Variants in PREP observed in about 807,000 individuals in gnomAD.
PREP encodes the protein prolyl endopeptidase, also known as dJ355L5.1 (prolyl endopeptidase).
Under a neutral mutation model 87.6 loss-of-function variants are expected in PREP, and 29 were observed. The observed-to-expected ratio is 0.33, with a 90% CI of 0.25 to 0.45. The LOEUF (loss-of-function observed/expected upper bound fraction) is 0.45. Ranked by LOEUF, PREP falls within the 20% of genes least tolerant of loss-of-function variation. The pLI is 1.00. For synonymous variants in PREP, 337 were observed against 328.6 expected, an observed-to-expected ratio of 1.03 and a Z score of -0.28; for missense variants, 695 against 886.5, an observed-to-expected ratio of 0.78 and a Z score of 2.74.
chr6:105,376,152 A>C lies in PREP; in HGVS notation c.358T>G (p.Ser120Ala). 6.2e-7 allele frequency: 1 copy of C among 1,613,840 alleles called. No individual in the cohort carries two copies. Among genetic ancestry groups the C allele is most frequent in the South Asian group, 1.1e-5 (1 of 91,040 alleles). ...ARVFLDPNILSDDGTVALRGY... is the reference protein window; with the variant it reads ...ARVFLDPNILADDGTVALRGY... ...CGGAGTGCCACTGTGCCATCGTCAG[A>C]CAGTATGTTGGGGTCCAGGAACACT... is the stretch of plus-strand genomic sequence containing the variant. The change falls in exon 4 of 15, where the codon TCT becomes GCT. Residue 120 changes from serine (S) to alanine (A), a missense_variant. Physicochemically the swap from Ser to Ala is moderately conservative, Grantham distance 99. Around this residue, in one of 5 missense-constraint regions of PREP, gnomAD observed 517 missense variants for 620.3 expected, o/e 0.83. Coordinates refer to ENST00000652536, the MANE Select transcript of PREP (RefSeq NM_002726.5).
At chr6:105,402,175 C>T (rs1773448648) in intron 1 of PREP, among the ~76,000 whole-genome samples, 2 of 152,134 alleles carry the variant, frequency 1.3e-5, no homozygotes, top group South Asian at 2.1e-4. Context: ...CCTCCTCTCA[C>T]CCTCTCTCAA....
intron 6 of PREP, among the ~76,000 whole-genome samples, chr6:105,358,147 ATGACT>A (rs1772151480): frequency 6.6e-6 from 1 of 152,140 alleles, no homozygotes; most frequent in African/African-American, 2.4e-5. Flanking sequence ...TTAAGTAAAA[ATGACT>A]TAACTTCATA....
intron 2 of PREP, among the ~76,000 whole-genome samples, chr6:105,381,823 T>C (rs1326282004): frequency 6.6e-6 from 1 of 151,210 alleles, no homozygotes; most frequent in African/African-American, 2.5e-5. Flanking sequence ...TACCTATAGT[T>C]AGCAATACTA....
intron 2 of PREP, among the ~76,000 whole-genome samples, chr6:105,381,351 A>T (rs1386441095): frequency 6.6e-6 from 1 of 152,254 alleles, no homozygotes; most frequent in Non-Finnish European, 1.5e-5. Flanking sequence ...CTGATATTTT[A>T]ACCAGGGAAA....
chr6:105,329,765 G>C (rs994804458), intron 8 of PREP, among the ~76,000 whole-genome samples: 1 of 152,226 alleles, frequency 6.6e-6, no homozygotes, highest in African/African-American at 2.4e-5. Flanking sequence ...AGATGAGGTC[G>C]ATTCTGCTCG....
intron 7 of PREP, among the ~76,000 whole-genome samples, chr6:105,341,565 CA>C (rs1337733372): frequency 1.3e-5 from 2 of 151,942 alleles, no homozygotes; most frequent in African/African-American, 4.8e-5. Flanking sequence ...GATAGAGACA[CA>C]AAAAACCCTT....
chr6:105,400,723 A>G (rs1583112929), intron 1 of PREP, among the ~76,000 whole-genome samples: 1 of 152,308 alleles, frequency 6.6e-6, no homozygotes, highest in East Asian at 1.9e-4. Flanking sequence ...ATTGCACAAG[A>G]AGTGTCATGG....
intron 13 of PREP, 151 bp from the exon 14 acceptor site, chr6:105,282,053 T>C (rs1476893550): frequency 2.1e-6 from 2 of 949,172 alleles, no homozygotes; most frequent in East Asian, 5.3e-5. Context: ...ACCTGCCCAA[T>C]AGCCCCAAAG....
Position 105,274,483 on chromosome 6 carries a change from C to T in PREP, c.*3661G>A, listed in dbSNP as rs1332464366. On this transcript the variant is annotated 3_prime_UTR_variant, in exon 15 of 15. Transcript: ENST00000652536. The stretch of plus-strand genomic sequence containing the variant: ...GACAACAGCAGTAAGAGAGCTGTTT[C>T]GGCTGGGCATGGTGGCTCATGCCTG... 6.6e-6 allele frequency among the ~76,000 whole-genome samples: 1 copy of T among 152,076 alleles called. No individual in the cohort carries two copies. The highest frequency in any genetic ancestry group is 6.6e-5 in the Admixed American group (1 of 15,264).
At chr6:105,305,353 C>G (rs187880450) in intron 10 of PREP, among the ~76,000 whole-genome samples, 1 of 152,218 alleles carries the variant, frequency 6.6e-6, no homozygotes, top group Admixed American at 6.5e-5. Context: ...TTAAATGGGA[C>G]TGTATGAAGC....
intron 2 of PREP, among the ~76,000 whole-genome samples, chr6:105,382,669 T>C (rs552296586): frequency 6.8e-6 from 1 of 146,470 alleles, no homozygotes; most frequent in African/African-American, 2.5e-5. Context: ...GATAAAGATA[T>C]GTGCTAGAGG....
At chr6:105,282,752 G>A (rs1770110819) in intron 12 of PREP, among the ~76,000 whole-genome samples, 170 bp from the exon 13 acceptor site, 2 of 152,156 alleles carry the variant, frequency 1.3e-5, no homozygotes, top group South Asian at 4.1e-4. Flanking sequence ...TATGCACTGT[G>A]GAAATATATC....
At chr6:105,327,972 G>A (rs555111069) in intron 9 of PREP, among the ~76,000 whole-genome samples, 15 of 152,224 alleles carry the variant, frequency 9.9e-5, no homozygotes, top group African/African-American at 3.4e-4. Flanking sequence ...TAAAAAGAGA[G>A]CTATGTTTAC....
chr6:105,389,823 T>C (rs1238341339), intron 2 of PREP, among the ~76,000 whole-genome samples: 2 of 151,942 alleles, frequency 1.3e-5, no homozygotes, highest in Non-Finnish European at 2.9e-5. Context: ...ACACCGAAAT[T>C]GACACCAGAA....
rs568542863 is a variant in PREP at position 105,347,220 on chromosome 6, T to G, written c.823+5752A>C. Among the ~76,000 whole-genome samples, 4 of 152,270 alleles carry G rather than the reference T, an allele frequency of 2.6e-5. No individual in the cohort carries two copies. In the East Asian group the frequency reaches 7.7e-4, roughly 29 times the overall value. The stretch of plus-strand genomic sequence containing the variant: ...GAGAGGAAGTCTGAGCATGGATCTG[T>G]GCGCTGGGCCACAGCCCGTCAGACA... On this transcript the variant is annotated intron_variant, in intron 7 of 14. Transcript: ENST00000652536.
intron 10 of PREP, among the ~76,000 whole-genome samples, chr6:105,312,008 G>A (rs1408562702): frequency 3.3e-5 from 5 of 152,166 alleles, no homozygotes; most frequent in African/African-American, 1.2e-4. Flanking sequence ...CTCTTTCTAA[G>A]TCTCTTCCAA....
At chr6:105,365,685 G>T (rs1379917515) in intron 6 of PREP, among the ~76,000 whole-genome samples, 1 of 152,138 alleles carries the variant, frequency 6.6e-6, no homozygotes, top group Non-Finnish European at 1.5e-5. Context: ...ACCAGCCATG[G>T]TAACTGGTGG....
chr6:105,323,782 T>TAAACC lies in PREP; in HGVS notation c.1214-15_1214-14insGGTTT. The TAAACC allele has an allele frequency of 6.3e-7, 1 of 1,597,436 alleles. No homozygotes were observed. On this transcript the variant is annotated splice_polypyrimidine_tract_variant and intron_variant, in intron 9 of 14. Coordinates refer to ENST00000652536, the MANE Select transcript of PREP (RefSeq NM_002726.5). ...GATAAATGATACCTAAAAAGTAGAA[T>TAAACC]AAGGCTTGGTTTAGTCTACGGGACT...
chr6:105,279,103 G>GTATAAAAGTAATGTTGATTT (rs1423365185), intron 14 of PREP: 4 of 152,164 alleles, frequency 2.6e-5, no homozygotes, highest in Non-Finnish European at 5.9e-5. Context: ...AGGGTGTTAA[G>GTATAAAAGTAATGTTGATTT]TATAAAAGTA....
Sources: gnomAD v4.1 joint callset for allele counts (sites outside exome capture counted in the v4.1 genomes callset) on GRCh38, gnomAD v4.1.1 for gene constraint, gnomAD v4.1.1 regional missense constraint, MANE v1.5 for transcripts, NCBI Gene and HGNC (gene_info 2026-07-23, HGNC 2026-07-21) for gene names.